KIF13B: variants seen among roughly 807,000 people sequenced by gnomAD.
KIF13B encodes the protein kinesin family member 13B.
KIF13B carries 127 observed loss-of-function variants against 222.0 expected under a neutral mutation model. The ratio of observed to expected loss-of-function variants is 0.57; its 90% CI spans 0.50 to 0.66. The LOEUF is 0.66. Ranked by LOEUF, KIF13B falls within the 30% of genes least tolerant of loss-of-function variation. KIF13B has a pLI of 0.00. For synonymous variants in KIF13B, 976 were observed against 919.0 expected, an observed-to-expected ratio of 1.06 and a Z score of -1.12; for missense variants, 2,173 against 2,379.0, an observed-to-expected ratio of 0.91 and a Z score of 1.80.
intron 35 of KIF13B, among the ~76,000 whole-genome samples, chr8:29,106,419 G>A (rs868083335): frequency 1.3e-5 from 2 of 152,158 alleles, no homozygotes; most frequent in Non-Finnish European, 2.9e-5. Flanking sequence ...ATCACTTGAG[G>A]TCAGGAGTTC....
intron 37 of KIF13B, among the ~76,000 whole-genome samples, chr8:29,086,004 G>A (rs1808037143): frequency 6.6e-6 from 1 of 151,960 alleles, no homozygotes; most frequent in African/African-American, 2.4e-5. Context: ...TCCCCTCCTT[G>A]GTGCTGGTAT....
intron 37 of KIF13B, among the ~76,000 whole-genome samples, chr8:29,087,326 A>C (rs1208878887): frequency 2.0e-5 from 3 of 152,228 alleles, no homozygotes; most frequent in African/African-American, 7.2e-5. Context: ...ATATTTCAAT[A>C]GTCTCAAACG....
At chr8:29,141,578 C>G (rs971036564) in intron 19 of KIF13B, among the ~76,000 whole-genome samples, 26 of 152,186 alleles carry the variant, frequency 1.7e-4, no homozygotes, top group African/African-American at 6.3e-4. Flanking sequence ...AAAATATGTT[C>G]AGACATACAT....
chr8:29,147,577 G>T lies in KIF13B; in HGVS notation c.1839C>A (p.Ser613Arg). Reference sequence around the variant, plus strand: ...TTTCTTCTTCATGCTGTTGTTCTAAGCTGTTTAATATGGACTGCATCGGAT... The same window carrying T: ...TTTCTTCTTCATGCTGTTGTTCTAATCTGTTTAATATGGACTGCATCGGAT... ...SNDPMQSILN[S>R]LEQQHEEEKR... The change falls in exon 17 of 40, where the codon AGC (serine) becomes AGA (arginine). Residue 613 changes from serine (S) to arginine (R), a missense_variant. Around this residue, in one of 2 missense-constraint regions of KIF13B, gnomAD observed 1,480 missense variants for 1,722.8 expected, o/e 0.86. Transcript: ENST00000524189. 6.2e-7 allele frequency: 1 copy of T among 1,612,272 alleles called. No individual in the cohort carries two copies. The highest frequency in any genetic ancestry group is 8.5e-7 in the Non-Finnish European group (1 of 1,179,496).
chr8:29,229,555 C>A (rs1815192987), intron 2 of KIF13B, among the ~76,000 whole-genome samples: 1 of 152,178 alleles, frequency 6.6e-6, no homozygotes, highest in South Asian at 2.1e-4. Context: ...ATGAGAAGAT[C>A]CACAAACTAA....
chr8:29,140,986 T>C (rs1377075394), intron 19 of KIF13B, among the ~76,000 whole-genome samples: 2 of 152,172 alleles, frequency 1.3e-5, no homozygotes, highest in Non-Finnish European at 1.5e-5. Context: ...ACCTTTCTTT[T>C]GGGAAAGACA....
At chr8:29,132,520 TTGTTTA>T in intron 22 of KIF13B, 55 bp from the exon 23 acceptor site, 1 of 1,188,886 alleles carries the variant, frequency 8.4e-7, no homozygotes, top group South Asian at 2.4e-5. Flanking sequence ...AATCTTATGA[TTGTTTA>T]TACCAGACAT....
chr8:29,215,187 C>T (rs1301909263), intron 2 of KIF13B, among the ~76,000 whole-genome samples: 1 of 151,976 alleles, frequency 6.6e-6, no homozygotes, highest in Non-Finnish European at 1.5e-5. Context: ...ATGTTCTAGC[C>T]TCCAAGTAGA....
chr8:29,192,411 G>A (rs560134901), intron 3 of KIF13B, among the ~76,000 whole-genome samples: 1 of 152,092 alleles, frequency 6.6e-6, no homozygotes, highest in Non-Finnish European at 1.5e-5. Flanking sequence ...ATATGTTGTT[G>A]TTGTGTTTTT....
At chr8:29,121,024 GTTGT>G (rs1312439926) in intron 29 of KIF13B, among the ~76,000 whole-genome samples, 147 of 138,498 alleles carry the variant, frequency 1.1e-3, no homozygotes, top group African/African-American at 3.5e-3. Flanking sequence ...TTTTGATGGG[GTTGT>G]TTGTTTTTTT....
At chr8:29,102,040 T>C (rs1321625960) in intron 35 of KIF13B, among the ~76,000 whole-genome samples, 1 of 151,928 alleles carries the variant, frequency 6.6e-6, no homozygotes, top group East Asian at 1.9e-4. Flanking sequence ...TTGTATATGC[T>C]TAGCTGTCCT....
Position 29,123,294 on chromosome 8 carries a change from G to A in KIF13B, c.3479+72C>T, listed in dbSNP as rs1045915694. ...GACTCTTCCATTAACCGTAGCACAC[G>A]CAAAATTCAAGCTAAAAGCAAGTGG... is the stretch of plus-strand genomic sequence containing the variant. On this transcript the variant is annotated intron_variant, in intron 28 of 39. Transcript: ENST00000524189. 45 of 1,562,920 alleles carry A rather than the reference G, an allele frequency of 2.9e-5. No individual in the cohort carries two copies. In the East Asian group the frequency reaches 3.2e-4, roughly 11 times the overall value.
Position 29,181,972 on chromosome 8 carries a change from C to T in KIF13B, c.532G>A (p.Val178Met), listed in dbSNP as rs376293627. The T allele has an allele frequency of 6.2e-6, 10 of 1,613,552 alleles. No homozygotes were observed. The African/African-American group carries it at 1.2e-4, about 19-fold the overall frequency. ...AGTCCGTCGACATAAGGTCCCAACA[C>T]ACTATGCTCTCTGACTTTCAACGTC... ...RQTLKVREHS[V>M]LGPYVDGLSK... The change falls in exon 7 of 40, where the codon GTG (valine) becomes ATG (methionine). Residue 178 changes from valine (V) to methionine (M), a missense_variant. This residue lies in a region of KIF13B where 1,480 missense variants were observed against 1,722.8 expected (regional missense o/e 0.86). Transcript: ENST00000524189.
chr8:29,099,996 G>A (rs921495299), intron 35 of KIF13B, among the ~76,000 whole-genome samples: 1 of 152,142 alleles, frequency 6.6e-6, no homozygotes, highest in African/African-American at 2.4e-5. Context: ...CTCCCAGACT[G>A]TGTTTCCACT....
At chr8:29,085,602 GC>G (rs1203497315) in intron 37 of KIF13B, among the ~76,000 whole-genome samples, 5 of 150,460 alleles carry the variant, frequency 3.3e-5, no homozygotes, top group African/African-American at 9.8e-5. Flanking sequence ...GAACTCCTGA[GC>G]TCAAGTGATC....
At chr8:29,240,562 T>C (rs1220581888) in intron 2 of KIF13B, among the ~76,000 whole-genome samples, 2 of 152,268 alleles carry the variant, frequency 1.3e-5, no homozygotes, top group Non-Finnish European at 2.9e-5. Flanking sequence ...TTGTATATTA[T>C]GTTTTTTAAT....
chr8:29,163,350 C>T (rs767941488), intron 12 of KIF13B, among the ~76,000 whole-genome samples: 1 of 152,132 alleles, frequency 6.6e-6, no homozygotes, highest in Non-Finnish European at 1.5e-5. Context: ...TGTGGTAGGG[C>T]CATCCGAGGG....
upstream of KIF13B, chr8:29,263,128 G>T: frequency 9.3e-7 from 1 of 1,076,008 alleles, no homozygotes; most frequent in East Asian, 3.2e-5. Context: ...CGGGGGCGGA[G>T]CCGGGGGTGG....
At chr8:29,143,108 C>G (rs1307007246) in intron 18 of KIF13B, among the ~76,000 whole-genome samples, 1 of 152,138 alleles carries the variant, frequency 6.6e-6, no homozygotes. Context: ...CCTGCTTCAG[C>G]CTCCCAAAGC....
Sources: allele counts gnomAD v4.1 joint callset (sites outside exome capture counted in the v4.1 genomes callset), GRCh38; gene constraint gnomAD v4.1.1; regional missense constraint gnomAD v4.1.1; transcripts MANE v1.5; gene names NCBI Gene and HGNC (gene_info 2026-07-23, HGNC 2026-07-21).